The following CRTAC1 variants were observed in gnomAD, a reference collection of about 807,000 sequenced individuals.
The protein encoded by CRTAC1 is acidic secreted protein in cartilage.
In CRTAC1, 37 loss-of-function variants were observed where a neutral mutation model predicts 67.8. The ratio of observed to expected loss-of-function variants is 0.55; its 90% CI spans 0.42 to 0.72. The LOEUF (loss-of-function observed/expected upper bound fraction) is 0.72, where lower values mean the gene tolerates loss of function less well. Ranked by LOEUF, CRTAC1 falls within the 30% of genes least tolerant of loss-of-function variation. The pLI is 0.00. For missense variants in CRTAC1, 780 were observed against 931.6 expected, an observed-to-expected ratio of 0.84 and a Z score of 2.12; for synonymous variants, 348 against 371.0, an observed-to-expected ratio of 0.94 and a Z score of 0.71.
At chr10:97,869,573 G>GCCACAGGGCGGGTGTGTGTGAAA (rs2050068077) in intron 14 of CRTAC1, 7 of 152,376 alleles carry the variant, frequency 4.6e-5, no homozygotes, top group Admixed American at 4.6e-4. Flanking sequence ...CCTTCCTTTG[G>GCCACAGGGCGGGTGTGTGTGAAA]CCACAGGGCG....
At chr10:97,909,544 T>G (rs2050659948) in intron 5 of CRTAC1, among the ~76,000 whole-genome samples, 1 of 152,146 alleles carries the variant, frequency 6.6e-6, no homozygotes, top group Admixed American at 6.5e-5. Flanking sequence ...ATCAAAAATA[T>G]GAAAGACTAC....
Position 97,866,582 on chromosome 10 carries a change from G to A in CRTAC1, c.1820-868C>T, listed in dbSNP as rs558902359. On this transcript the variant is annotated intron_variant, in intron 14 of 14. Transcript: ENST00000370597. ...AGTGTGCGTAAATGTGTGAGTCTGC[G>A]TGTGTTAGCATGCCTGTATGTGAGC... is the stretch of plus-strand genomic sequence containing the variant. 5.2e-5 allele frequency: 8 copies of A among 152,398 alleles called. No homozygotes were observed. In the East Asian group the frequency reaches 5.8e-4, roughly 11 times the overall value. 9.4% of individuals were successfully genotyped at this position (152,398 alleles called of 1,614,324 possible).
chr10:97,865,563 GC>G lies in CRTAC1; in HGVS notation c.1970del (p.Cys657SerfsTer30). 1.2e-6 allele frequency: 2 copies of G among 1,609,586 alleles called. No homozygotes were observed. The highest frequency in any genetic ancestry group is 1.7e-6 in the Non-Finnish European group (2 of 1,176,500). On this transcript the variant is annotated frameshift_variant, in exon 15 of 15. Coordinates refer to ENST00000370597, the MANE Select transcript of CRTAC1 (RefSeq NM_018058.7). LOFTEE classifies it high-confidence loss of function. The stretch of plus-strand genomic sequence containing the variant: ...CCACCCCTGCTCAGCAGCTGGGCTC[GC>G]AGCTCTCCTTAACCACCGACCCCAG... ...LNLGSVVKES[C>X]EPSC
intron 2 of CRTAC1, among the ~76,000 whole-genome samples, chr10:97,997,525 A>G (rs1287166826): frequency 1.3e-5 from 2 of 151,632 alleles, no homozygotes; most frequent in African/African-American, 4.8e-5. Context: ...GTTCAAGCAA[A>G]TATAATAAGG....
chr10:97,926,263 C>G (rs572169570), intron 3 of CRTAC1, among the ~76,000 whole-genome samples: 4 of 152,146 alleles, frequency 2.6e-5, no homozygotes, highest in Middle Eastern at 3.2e-3. Context: ...CACAGGGCCC[C>G]GACCCAGTCG....
chr10:97,925,535 GAGTC>G (rs1483696653), intron 3 of CRTAC1, among the ~76,000 whole-genome samples: 2 of 150,780 alleles, frequency 1.3e-5, no homozygotes, highest in Non-Finnish European at 3.0e-5. Context: ...GTGTGGGAAG[GAGTC>G]AGAGTGAGTG....
intron 2 of CRTAC1, among the ~76,000 whole-genome samples, chr10:97,998,336 C>A (rs2136680760): frequency 6.6e-6 from 1 of 152,152 alleles, no homozygotes; most frequent in African/African-American, 2.4e-5. Flanking sequence ...ATGAATCCTC[C>A]AATTTGGGAA....
chr10:97,975,994 C>T lies in CRTAC1; in HGVS notation c.224+35144G>A, dbSNP rs188679434. Among the ~76,000 whole-genome samples the T allele has an allele frequency of 2.1e-3, 319 of 152,276 alleles. 3 individuals carry two copies. Among genetic ancestry groups the T allele is most frequent in the African/African-American group, 7.3e-3 (302 of 41,544 alleles). ...ACCACTGACGTGGAGCCCCCAAACCCAGAGGAAGAGAGACAGCTTAGCTGC... is the reference window on the plus strand; with the variant it reads ...ACCACTGACGTGGAGCCCCCAAACCTAGAGGAAGAGAGACAGCTTAGCTGC... On this transcript the variant is annotated intron_variant, in intron 2 of 14. Coordinates refer to ENST00000370597, the MANE Select transcript of CRTAC1 (RefSeq NM_018058.7). The surrounding 1 kb of genome is among the most constrained non-coding windows in gnomAD (Gnocchi z 4.8).
At chr10:97,943,777 A>G (rs2051215930) in intron 2 of CRTAC1, among the ~76,000 whole-genome samples, 1 of 152,238 alleles carries the variant, frequency 6.6e-6, no homozygotes, top group African/African-American at 2.4e-5. Flanking sequence ...CTTATGTACT[A>G]TCTATGGCTG....
In CRTAC1 at chr10:98,029,298, C is replaced by G. The variant is rs1843308038; in HGVS notation, c.24+1151G>C. ...TTCCCACATGAGTTCTCCCCTGACT[C>G]AAGAAAACACTATAGAACTGTCCCC... is the stretch of plus-strand genomic sequence containing the variant. On this transcript the variant is annotated intron_variant, in intron 1 of 14. Transcript: ENST00000370597. The surrounding 1 kb of genome is among the most constrained non-coding windows in gnomAD (Gnocchi z 4.7). Among the ~76,000 whole-genome samples the G allele has an allele frequency of 1.3e-5, 2 of 152,134 alleles. No homozygotes were observed. Among genetic ancestry groups the G allele is most frequent in the Admixed American group, 1.3e-4 (2 of 15,274 alleles).
At chr10:97,896,838 C>T in intron 9 of CRTAC1, 71 bp downstream of exon 9, 2 of 518,606 alleles carry the variant, frequency 3.9e-6, no homozygotes, top group East Asian at 4.2e-5. Flanking sequence ...CCCCGTCCCT[C>T]CCGCCCTCAC....
chr10:97,932,131 T>G (rs1161938552), intron 3 of CRTAC1, among the ~76,000 whole-genome samples: 1 of 152,134 alleles, frequency 6.6e-6, no homozygotes, highest in African/African-American at 2.4e-5. Context: ...GGGCCCCCCA[T>G]CTGCACAGTG....
intron 6 of CRTAC1, 105 bp downstream of exon 6, chr10:97,907,908 C>T: frequency 7.8e-7 from 1 of 1,277,760 alleles, no homozygotes; most frequent in Non-Finnish European, 1.1e-6. Flanking sequence ...CCCTGCTCTC[C>T]CTCAGCCAGA....
intron 4 of CRTAC1, 102 bp downstream of exon 4, chr10:97,923,162 C>A: frequency 7.2e-7 from 1 of 1,389,594 alleles, no homozygotes; most frequent in Non-Finnish European, 1.0e-6. Context: ...CTATCCAAGA[C>A]ACCGCGGGAG....
chr10:97,978,469 T>C lies in CRTAC1; in HGVS notation c.224+32669A>G, dbSNP rs1210469817. ...CAATGAGACGACAGATGTAAAGAAC[T>C]TTCTAGTGCTAGGAAACGCAAGTGG... On this transcript the variant is annotated intron_variant, in intron 2 of 14. Coordinates refer to ENST00000370597, the MANE Select transcript of CRTAC1 (RefSeq NM_018058.7). Among the ~76,000 whole-genome samples, 8 of 152,208 alleles carry C rather than the reference T, an allele frequency of 5.3e-5. No homozygotes were observed. The South Asian group carries it at 8.3e-4, about 16-fold the overall frequency.
chr10:97,941,244 G>A (rs1274166702), intron 2 of CRTAC1, among the ~76,000 whole-genome samples: 3 of 151,944 alleles, frequency 2.0e-5, no homozygotes, highest in Non-Finnish European at 4.4e-5. Context: ...TCTCTTCTAG[G>A]CCAAGGAGGC....
rs484357 is a variant in CRTAC1 at position 98,029,491 on chromosome 10, A to C, written c.24+958T>G. Among the ~76,000 whole-genome samples the C allele has an allele frequency of 7.1e-6, 1 of 140,364 alleles. No homozygotes were observed. The highest frequency in any genetic ancestry group is 7.0e-5 in the Admixed American group (1 of 14,382). The allele number at this position is 140,364 out of a possible 152,430, so 92.1% of individuals were successfully genotyped here. ...ACTGGGTGCACCCACCAGCAGCAGC[A>C]GCGGCGGCGGCGGCGGCGGCGGCGG... On this transcript the variant is annotated intron_variant, in intron 1 of 14. Coordinates refer to ENST00000370597, the MANE Select transcript of CRTAC1 (RefSeq NM_018058.7). This position sits in a 1 kb window ranked among gnomAD's most constrained non-coding sequence, Gnocchi z 4.7.
intron 11 of CRTAC1, among the ~76,000 whole-genome samples, chr10:97,889,927 C>G (rs749987136): frequency 7.2e-5 from 11 of 152,166 alleles, no homozygotes; most frequent in Non-Finnish European, 1.5e-4. Context: ...GACATTCCCG[C>G]TTCTCACCCC....
At chr10:97,923,026 G>A (rs1237264397) in intron 4 of CRTAC1, among the ~76,000 whole-genome samples, 2 of 152,198 alleles carry the variant, frequency 1.3e-5, no homozygotes, top group South Asian at 2.1e-4. Context: ...CAAGTGTCCC[G>A]AGGACACAAT....
Sources: allele counts gnomAD v4.1 joint callset (sites outside exome capture counted in the v4.1 genomes callset), GRCh38; gene constraint gnomAD v4.1.1; non-coding constraint Gnocchi (gnomAD v3.1); transcripts MANE v1.5; gene names NCBI Gene and HGNC (gene_info 2026-07-23, HGNC 2026-07-21).